Variants in PALLD observed in about 807,000 individuals in gnomAD.
PALLD encodes the protein palladin.
Under a neutral mutation model 123.5 loss-of-function variants are expected in PALLD, and 61 were observed. That is an observed-to-expected ratio of 0.49 (90% CI 0.40 to 0.61). The LOEUF is 0.61. Ranked by LOEUF, PALLD falls within the 20% of genes least tolerant of loss-of-function variation. The pLI, the probability that PALLD is intolerant of heterozygous loss-of-function variation, is 0.00. For missense variants in PALLD, 1,273 were observed against 1,377.0 expected (o/e 0.92, Z 1.20); for synonymous variants, 465 against 496.4 (o/e 0.94, Z 0.84).
chr4:168,528,826 T>A (rs1482342251), intron 2 of PALLD, among the ~76,000 whole-genome samples: 1 of 152,232 alleles, frequency 6.6e-6, no homozygotes, highest in Non-Finnish European at 1.5e-5. Flanking sequence ...ATTTGAAGAC[T>A]AGCTACCACA....
At chr4:168,924,851 T>G in intron 19 of PALLD, 94 bp from the exon 20 acceptor site, 1 of 1,276,072 alleles carries the variant, frequency 7.8e-7, no homozygotes, top group Non-Finnish European at 1.1e-6. Context: ...ACTTGCACAA[T>G]TCTGTTTCTA....
At chr4:168,766,939 T>G (rs766327342) in intron 10 of PALLD, among the ~76,000 whole-genome samples, 1 of 152,218 alleles carries the variant, frequency 6.6e-6, no homozygotes, top group African/African-American at 2.4e-5. Flanking sequence ...TAAAGATGGC[T>G]GCAATGACCC....
intron 5 of PALLD, among the ~76,000 whole-genome samples, chr4:168,683,346 TCTAACAG>T (rs1245177547): frequency 6.6e-6 from 1 of 152,222 alleles, no homozygotes. Context: ...AACTTCTTTC[TCTAACAG>T]CTAATAATCT....
intron 2 of PALLD, among the ~76,000 whole-genome samples, chr4:168,661,243 C>A (rs918470087): frequency 6.6e-6 from 1 of 152,146 alleles, no homozygotes; most frequent in Non-Finnish European, 1.5e-5. Flanking sequence ...AATCTAAGCT[C>A]ATTAGGTAAA....
intron 10 of PALLD, among the ~76,000 whole-genome samples, chr4:168,857,647 G>A (rs547348317): frequency 6.6e-6 from 1 of 152,310 alleles, no homozygotes; most frequent in South Asian, 2.1e-4. Flanking sequence ...AGCAAAAATA[G>A]ATAACCTAAA....
chr4:168,887,923 C>T (rs1560859433), intron 10 of PALLD, among the ~76,000 whole-genome samples: 1 of 151,994 alleles, frequency 6.6e-6, no homozygotes, highest in Admixed American at 6.6e-5. Context: ...CTGTGATTAA[C>T]AAAGGAGCCA....
intron 10 of PALLD, among the ~76,000 whole-genome samples, chr4:168,873,475 T>C (rs2151091402): frequency 6.6e-6 from 1 of 152,354 alleles, no homozygotes. Context: ...ACCCCATCTT[T>C]ATTATGAGCA....
At position 168,668,241 on chromosome 4, in the gene PALLD, C is replaced by T. The variant is rs1187748660; in HGVS notation, c.960C>T (p.His320=). The change falls in exon 3 of 22, where the codon CAC becomes CAT. Residue 320 remains histidine, a synonymous_variant. Transcript: ENST00000505667. ...ELHNTPDIQI[H]CEGGDLHTLI... is the part of the protein sequence containing the mutation. ...ACAACACTCCTGATATTCAAATCCA[C>T]TGTGAGGGAGGGGACCTCCATACCC... The T allele has an allele frequency of 1.9e-6, 3 of 1,614,134 alleles. No homozygotes were observed. Among genetic ancestry groups the T allele is most frequent in the Admixed American group, 3.3e-5 (2 of 60,030 alleles).
At chr4:168,747,089 A>C (rs1730426413) in intron 10 of PALLD, among the ~76,000 whole-genome samples, 1 of 152,246 alleles carries the variant, frequency 6.6e-6, no homozygotes, top group Admixed American at 6.5e-5. Flanking sequence ...TATTTACTAC[A>C]CATTTTTTAG....
intron 13 of PALLD, chr4:168,898,223 C>G: frequency 2.1e-6 from 1 of 484,108 alleles, no homozygotes; most frequent in East Asian, 3.8e-5. Flanking sequence ...CCTTGTTTCC[C>G]CTCGCCTCAG....
chr4:168,660,810 A>G (rs1317978073), intron 2 of PALLD, among the ~76,000 whole-genome samples: 1 of 152,166 alleles, frequency 6.6e-6, no homozygotes, highest in Non-Finnish European at 1.5e-5. Flanking sequence ...CAACTTGAGT[A>G]TTATATCCAA....
chr4:168,790,921 C>T (rs1422675390), intron 10 of PALLD, among the ~76,000 whole-genome samples: 1 of 152,092 alleles, frequency 6.6e-6, no homozygotes, highest in African/African-American at 2.4e-5. Flanking sequence ...CTCTTACCAC[C>T]CATGAAAATG....
At chr4:168,864,953 AAATTTCTCT>A (rs1750050586) in intron 10 of PALLD, among the ~76,000 whole-genome samples, 1 of 152,248 alleles carries the variant, frequency 6.6e-6, no homozygotes, top group Non-Finnish European at 1.5e-5. Flanking sequence ...TAGCTATGAT[AAATTTCTCT>A]CATTTTTTCC....
Position 168,915,879 on chromosome 4 carries a change from T to C in PALLD, c.2718-16T>C. 1 of 1,605,904 alleles carries C rather than the reference T, an allele frequency of 6.2e-7. No individual in the cohort carries two copies. The highest frequency in any genetic ancestry group is 1.1e-5 in the South Asian group (1 of 90,916). Reference sequence around the variant, plus strand: ...TATCTATATTTCTATCTATCTGTCATCTTTCTTGTTTCAAGGCCTCGTTCT... The same window carrying C: ...TATCTATATTTCTATCTATCTGTCACCTTTCTTGTTTCAAGGCCTCGTTCT... On this transcript the variant is annotated splice_polypyrimidine_tract_variant and intron_variant, in intron 16 of 21. Transcript: ENST00000505667.
chr4:168,815,739 G>A lies in PALLD; in HGVS notation c.1965-75183G>A, dbSNP rs192260975. ...GGCTGCAGGAATTAACACGGTGGAC[G>A]AGGGAAGGTACAGACCATTTTCGGT... On this transcript the variant is annotated intron_variant, in intron 10 of 21. Transcript: ENST00000505667. Among the ~76,000 whole-genome samples the A allele has an allele frequency of 3.8e-3, 572 of 152,328 alleles. 11 individuals carry two copies. The highest frequency in any genetic ancestry group is 3.7e-3 in the Admixed American group (57 of 15,308).
At chr4:168,532,724 G>C (rs552195237) in intron 2 of PALLD, among the ~76,000 whole-genome samples, 3 of 152,210 alleles carry the variant, frequency 2.0e-5, no homozygotes, top group Middle Eastern at 3.4e-3. Context: ...CATAAATAGG[G>C]GAAAAGGATA....
chr4:168,705,062 A>T (rs2150178038), intron 8 of PALLD, among the ~76,000 whole-genome samples: 1 of 148,124 alleles, frequency 6.8e-6, no homozygotes, highest in Admixed American at 6.8e-5. Flanking sequence ...TGCCAAAGAA[A>T]GTTTCTGGCA....
At chr4:168,904,782 T>G (rs796517692) in intron 15 of PALLD, among the ~76,000 whole-genome samples, 3 of 152,316 alleles carry the variant, frequency 2.0e-5, no homozygotes, top group African/African-American at 7.2e-5. Flanking sequence ...GAAGAAAATA[T>G]TTAGCATTAG....
rs866311349 is a variant in PALLD at position 168,606,673 on chromosome 4, A to C, written c.909-61517A>C. The stretch of plus-strand genomic sequence containing the variant: ...AGCGAGACTCCGTCTCAAAAAAAAA[A>C]AAAAAAAAAAAGATCAAGCTTTCTC... On this transcript the variant is annotated intron_variant, in intron 2 of 21. Transcript: ENST00000505667. 4.9e-3 allele frequency among the ~76,000 whole-genome samples: 746 copies of C among 152,050 alleles called. 8 individuals are homozygous for C. Among genetic ancestry groups the C allele is most frequent in the African/African-American group, 0.017 (708 of 41,448 alleles).
Sources: allele counts gnomAD v4.1 joint callset (sites outside exome capture counted in the v4.1 genomes callset), GRCh38; gene constraint gnomAD v4.1.1; transcripts MANE v1.5; gene names NCBI Gene and HGNC (gene_info 2026-07-23, HGNC 2026-07-21).